The following CHRM3 variants were observed in gnomAD, a reference collection of about 807,000 sequenced individuals.
CHRM3 encodes muscarinic acetylcholine receptor M3.
Under a neutral mutation model 41.8 loss-of-function variants are expected in CHRM3, and 11 were observed. The ratio of observed to expected loss-of-function variants is 0.26; its 90% confidence interval spans 0.17 to 0.44. The LOEUF is 0.44. CHRM3 is among the 20% of genes least tolerant of loss of function. CHRM3 has a pLI of 1.00. For synonymous variants in CHRM3, 297 were observed against 301.4 expected (o/e 0.99, Z 0.15); for missense variants, 571 against 745.4 (o/e 0.77, Z 2.72).
intron 2 of CHRM3, among the ~76,000 whole-genome samples, chr1:239,539,333 C>T (rs1413440908): frequency 1.3e-5 from 2 of 152,132 alleles, no homozygotes; most frequent in African/African-American, 4.8e-5. Flanking sequence ...TTAGAACTCC[C>T]CTAAGATGAA....
In CHRM3 at chr1:239,815,020, C is replaced by T. The variant is rs182130849; in HGVS notation, c.-146-12232C>T. On this transcript the variant is annotated intron_variant, in intron 5 of 6. Coordinates refer to ENST00000676153, the MANE Select transcript of CHRM3 (RefSeq NM_001375978.1). ...GGAACTCCTGACTGCAAGAGATTCA[C>T]CTGCCTCGGCCTCCCAAAGTTCTGG... is the stretch of plus-strand genomic sequence containing the variant. 3.6e-3 allele frequency among the ~76,000 whole-genome samples: 546 copies of T among 152,216 alleles called. 2 individuals carry two copies. The highest frequency in any genetic ancestry group is 0.012 in the African/African-American group (517 of 41,542).
At chr1:239,493,585 T>G (rs1667693245) in intron 2 of CHRM3, among the ~76,000 whole-genome samples, 3 of 152,142 alleles carry the variant, frequency 2.0e-5, no homozygotes, top group East Asian at 1.9e-4. Flanking sequence ...AAGCACACAA[T>G]AGGGATATCA....
chr1:239,829,270 G>T (rs567599607), intron 6 of CHRM3, among the ~76,000 whole-genome samples: 3 of 152,098 alleles, frequency 2.0e-5, no homozygotes, highest in African/African-American at 7.2e-5. Context: ...AAGAAAAACC[G>T]CTAGCTTTGC....
intron 5 of CHRM3, among the ~76,000 whole-genome samples, chr1:239,763,707 G>T (rs1572216654): frequency 6.6e-6 from 1 of 151,602 alleles, no homozygotes. Context: ...CAAGAAAAAA[G>T]GACTCATTAA....
rs1672533242 is a variant in CHRM3 at position 239,827,296 on chromosome 1, T to G, written c.-102T>G. On this transcript the variant is annotated 5_prime_UTR_variant, in exon 6 of 7. Transcript: ENST00000676153. ...CAGCCTGACATCTGGTCCACTCCTC[T>G]GTCCTATGCCGGGATCATCATGACC... 1 of 152,224 alleles carries G rather than the reference T, an allele frequency of 6.6e-6. No homozygotes were observed. The highest frequency in any genetic ancestry group is 1.5e-5 in the Non-Finnish European group (1 of 68,046). The allele number at this position is 152,224 out of a possible 1,614,324, so 9.4% of individuals were successfully genotyped here.
intron 1 of CHRM3, among the ~76,000 whole-genome samples, chr1:239,428,557 TGAATAAAACGGAATTTTTAAAAG>T (rs1662577542): frequency 3.9e-5 from 6 of 152,220 alleles, no homozygotes; most frequent in African/African-American, 7.2e-5. Context: ...ACATGTTTGT[TGAATAAAACGGAATTTTTAAAAG>T]ATGCAGTAAC....
chr1:239,769,772 A>G (rs1286714250), intron 5 of CHRM3, among the ~76,000 whole-genome samples: 1 of 152,002 alleles, frequency 6.6e-6, no homozygotes, highest in Non-Finnish European at 1.5e-5. Flanking sequence ...TCCCAGCTAT[A>G]TGGGAGGTTG....
chr1:239,783,893 A>G (rs1054977773), intron 5 of CHRM3, among the ~76,000 whole-genome samples: 6 of 151,998 alleles, frequency 3.9e-5, no homozygotes, highest in South Asian at 2.1e-4. Context: ...CCCAGTGACT[A>G]TTGTTCCCTT....
chr1:239,870,720 C>G (rs1676503329), intron 6 of CHRM3, among the ~76,000 whole-genome samples: 1 of 152,106 alleles, frequency 6.6e-6, no homozygotes, highest in Admixed American at 6.6e-5. Flanking sequence ...TCTCGTTAGC[C>G]ACCTTCCTTC....
intron 1 of CHRM3, among the ~76,000 whole-genome samples, chr1:239,474,264 T>G (rs1666323682): frequency 6.6e-6 from 1 of 152,128 alleles, no homozygotes; most frequent in Non-Finnish European, 1.5e-5. Context: ...ATAAACTTCA[T>G]TGTAACTGCA....
chr1:239,794,042 G>GCAAT (rs1192714853), intron 5 of CHRM3, among the ~76,000 whole-genome samples: 2 of 151,922 alleles, frequency 1.3e-5, no homozygotes, highest in African/African-American at 2.4e-5. Flanking sequence ...TCTTACTCAA[G>GCAAT]CAATCACCTG....
At chr1:239,522,220 G>A (rs149311023) in intron 2 of CHRM3, among the ~76,000 whole-genome samples, 1 of 152,222 alleles carries the variant, frequency 6.6e-6, no homozygotes, top group East Asian at 1.9e-4. Flanking sequence ...TTGCTTTCTT[G>A]AATTGCTTGT....
chr1:239,560,049 ATTTT>A (rs1208995419), intron 3 of CHRM3, among the ~76,000 whole-genome samples: 28 of 152,224 alleles, frequency 1.8e-4, no homozygotes, highest in African/African-American at 6.8e-4. Flanking sequence ...GAAGTATGGC[ATTTT>A]GTGTGCAAAA....
chr1:239,703,505 C>G (rs1255136401), intron 5 of CHRM3: 1 of 152,106 alleles, frequency 6.6e-6, no homozygotes, highest in Non-Finnish European at 1.5e-5. Flanking sequence ...TTCTTTTATC[C>G]TTTCCCCAAG....
intron 1 of CHRM3, among the ~76,000 whole-genome samples, chr1:239,445,296 C>G (rs1320230152): frequency 6.6e-6 from 1 of 152,094 alleles, no homozygotes; most frequent in African/African-American, 2.4e-5. Flanking sequence ...TTCCCACTTA[C>G]CTTCTTAGCA....
At chr1:239,596,848 C>A (rs1489656764) in intron 3 of CHRM3, among the ~76,000 whole-genome samples, 3 of 151,988 alleles carry the variant, frequency 2.0e-5, no homozygotes, top group Non-Finnish European at 4.4e-5. Context: ...TATATATAAT[C>A]TTTTAAATGC....
intron 3 of CHRM3, among the ~76,000 whole-genome samples, chr1:239,587,137 G>A (rs371589934): frequency 6.4e-4 from 97 of 152,240 alleles, no homozygotes; most frequent in African/African-American, 2.2e-3. Flanking sequence ...ATCAGCGCGT[G>A]GTGACCTTTC....
Position 239,907,493 on chromosome 1 carries a change from A to C in CHRM3, c.42A>C (p.Pro14=). 1 of 1,614,162 alleles carries C rather than the reference A, an allele frequency of 6.2e-7. No homozygotes were observed. Among genetic ancestry groups the C allele is most frequent in the South Asian group, 1.1e-5 (1 of 91,078 alleles). Residue 14 remains proline, a synonymous_variant, in exon 7 of 7, where the codon CCA becomes CCC. Transcript: ENST00000676153. The surrounding 1 kb of genome is among the most constrained non-coding windows in gnomAD (Gnocchi z 5.4). ...HNNSTTSPLF[P]NISSSWIHSP... ...ACAGTACAACCTCGCCTTTGTTTCC[A>C]AACATCAGCTCCTCCTGGATACACA...
intron 4 of CHRM3, among the ~76,000 whole-genome samples, chr1:239,677,529 C>T (rs1488083972): frequency 3.3e-5 from 5 of 152,112 alleles, no homozygotes; most frequent in African/African-American, 7.2e-5. Flanking sequence ...AAGATCAAGG[C>T]ACCGGTATCT....
Sources: gnomAD v4.1 joint callset for allele counts (sites outside exome capture counted in the v4.1 genomes callset) on GRCh38, gnomAD v4.1.1 for gene constraint, Gnocchi (gnomAD v3.1) non-coding constraint, MANE v1.5 for transcripts, NCBI Gene and HGNC (gene_info 2026-07-23, HGNC 2026-07-21) for gene names.